The following USP3 variants were observed in gnomAD, a reference collection of about 807,000 sequenced individuals.
The protein encoded by USP3 is ubiquitin specific peptidase 3.
In USP3, 20 loss-of-function variants were observed where a neutral mutation model predicts 72.3. The observed-to-expected ratio is 0.28, with a 90% CI of 0.19 to 0.40. The LOEUF (loss-of-function observed/expected upper bound fraction) is 0.40. Among genes scored for constraint, USP3 ranks in the 10% least tolerant of loss-of-function variants. USP3 has a pLI of 1.00. For synonymous variants in USP3, 222 were observed against 225.3 expected (o/e 0.99, Z 0.13); for missense variants, 479 against 633.9 (o/e 0.76, Z 2.62).
chr15:63,578,353 C>T (rs1046420093), intron 11 of USP3, among the ~76,000 whole-genome samples: 1 of 151,874 alleles, frequency 6.6e-6, no homozygotes, highest in Non-Finnish European at 1.5e-5. Context: ...GCCTGTAATC[C>T]CAGCACTTTG....
At chr15:63,520,968 G>C (rs1238938844) in intron 1 of USP3, among the ~76,000 whole-genome samples, 1 of 152,020 alleles carries the variant, frequency 6.6e-6, no homozygotes, top group East Asian at 1.9e-4. Context: ...AAAAAGCTGT[G>C]CTAAGCAATG....
chr15:63,590,359 T>C (rs1193741049), intron 14 of USP3, among the ~76,000 whole-genome samples: 1 of 152,120 alleles, frequency 6.6e-6, no homozygotes, highest in African/African-American at 2.4e-5. Context: ...TTTCCTAAGA[T>C]TCTGATGGGA....
chr15:63,547,888 G>GAGAGAGAGAGAGAGAGAT (rs1555446525), intron 3 of USP3, among the ~76,000 whole-genome samples: 1 of 73,236 alleles, frequency 1.4e-5, no homozygotes, highest in Non-Finnish European at 2.9e-5. Flanking sequence ...GAGAGAGAGA[G>GAGAGAGAGAGAGAGAGAT]AGAGAGAGGC....
chr15:63,547,858 GAGAGGCAT>G (rs1416299385), intron 3 of USP3, among the ~76,000 whole-genome samples: 1 of 96,092 alleles, frequency 1.0e-5, no homozygotes, highest in Non-Finnish European at 2.2e-5. Context: ...GAGAGAGAGA[GAGAGGCAT>G]AGAGAGAGAG....
rs769151525 is a variant in USP3, at chr15:63,588,896, C to G, written c.1330-48C>G. 6.2e-7 allele frequency: 1 copy of G among 1,611,580 alleles called. No homozygotes were observed. Among genetic ancestry groups the G allele is most frequent in the African/African-American group, 1.3e-5 (1 of 74,966 alleles). On this transcript the variant is annotated intron_variant, in intron 13 of 14. Coordinates refer to ENST00000380324, the MANE Select transcript of USP3 (RefSeq NM_006537.4). The surrounding 1 kb of genome is among the most constrained non-coding windows in gnomAD (Gnocchi z 4.6). ...ATCACATGGAGAGGGTAGAGGTCATCGAGATACTGATGTCATTGACCACTG... is the reference window on the plus strand; with the variant it reads ...ATCACATGGAGAGGGTAGAGGTCATGGAGATACTGATGTCATTGACCACTG...
intron 3 of USP3, among the ~76,000 whole-genome samples, chr15:63,545,981 A>C (rs368636744): frequency 1.3e-4 from 19 of 141,370 alleles, no homozygotes; most frequent in African/African-American, 4.7e-4. Context: ...AAAAAAAAAA[A>C]AAAAAAAAAA....
chr15:63,532,802 C>T, intron 2 of USP3, 95 bp downstream of exon 2: 1 of 1,294,090 alleles, frequency 7.7e-7, no homozygotes, highest in Non-Finnish European at 1.1e-6. Context: ...GATTTAGTAC[C>T]ATTGTTAATC....
At chr15:63,506,855 G>A (rs2065719827) in intron 1 of USP3, among the ~76,000 whole-genome samples, 1 of 152,180 alleles carries the variant, frequency 6.6e-6, no homozygotes, top group African/African-American at 2.4e-5. Flanking sequence ...CCAATAAAGC[G>A]AGTTTCGCAA....
chr15:63,559,716 A>G, intron 6 of USP3, 141 bp from the exon 7 acceptor site: 1 of 589,696 alleles, frequency 1.7e-6, no homozygotes, highest in Non-Finnish European at 2.9e-6. Flanking sequence ...AAGAATCTGA[A>G]TGCAAGAGAT....
intron 1 of USP3, among the ~76,000 whole-genome samples, chr15:63,526,943 G>A (rs1014208716): frequency 4.6e-5 from 7 of 152,228 alleles, no homozygotes; most frequent in African/African-American, 1.7e-4. Flanking sequence ...CGCCCAGACT[G>A]GAGTGCAGTG....
intron 7 of USP3, 78 bp from the exon 8 acceptor site, chr15:63,562,817 C>A: frequency 2.4e-6 from 2 of 832,840 alleles, no homozygotes; most frequent in South Asian, 2.0e-5. Context: ...ATATATTAGG[C>A]ATTTTAGATG....
chr15:63,585,238 G>C (rs1429361831), intron 11 of USP3, among the ~76,000 whole-genome samples: 1 of 152,138 alleles, frequency 6.6e-6, no homozygotes, highest in East Asian at 1.9e-4. Flanking sequence ...GTGAGTTTCA[G>C]GATGGGTTTT....
intron 1 of USP3, among the ~76,000 whole-genome samples, chr15:63,508,355 A>G (rs1383947539): frequency 6.6e-6 from 1 of 152,210 alleles, no homozygotes; most frequent in Non-Finnish European, 1.5e-5. Context: ...GAAATGTATT[A>G]GCTGGGAAAT....
At chr15:63,564,753 A>C (rs1212394358) in intron 8 of USP3, among the ~76,000 whole-genome samples, 2 of 152,242 alleles carry the variant, frequency 1.3e-5, no homozygotes, top group African/African-American at 4.8e-5. Context: ...TGAATGGCTG[A>C]TGAGAATAGG....
rs1464874963 is a variant in USP3, at chr15:63,578,568, C to T, written c.1096+4165C>T. On this transcript the variant is annotated intron_variant, in intron 11 of 14. Coordinates refer to ENST00000380324, the MANE Select transcript of USP3 (RefSeq NM_006537.4). Reference sequence around the variant, plus strand: ...CAGAGCTTGCAGTGAGCCGAGACGGCGCCACTGCACTCTAGCCTGGGCGAC... The same window carrying T: ...CAGAGCTTGCAGTGAGCCGAGACGGTGCCACTGCACTCTAGCCTGGGCGAC... 1.2e-4 allele frequency among the ~76,000 whole-genome samples: 17 copies of T among 145,678 alleles called. No homozygotes were observed. The East Asian group carries it at 2.2e-3, about 19-fold the overall frequency.
chr15:63,519,838 C>T (rs531391769), intron 1 of USP3, among the ~76,000 whole-genome samples: 46 of 152,012 alleles, frequency 3.0e-4, no homozygotes, highest in Non-Finnish European at 6.2e-4. Flanking sequence ...TATTAATTTG[C>T]TTACTTATCT....
chr15:63,561,026 A>G (rs772257475), intron 7 of USP3, among the ~76,000 whole-genome samples: 9 of 151,992 alleles, frequency 5.9e-5, no homozygotes, highest in Non-Finnish European at 1.2e-4. Context: ...AGTGCAGGGA[A>G]ACTGGAAAGC....
intron 7 of USP3, among the ~76,000 whole-genome samples, chr15:63,561,069 A>G (rs1489424709): frequency 6.6e-6 from 1 of 151,950 alleles, no homozygotes; most frequent in Admixed American, 6.6e-5. Context: ...TGACGTCACT[A>G]CAAGTGGTGT....
chr15:63,551,625 T>C (rs1478195236), intron 3 of USP3, among the ~76,000 whole-genome samples: 2 of 152,192 alleles, frequency 1.3e-5, no homozygotes, highest in Non-Finnish European at 2.9e-5. Context: ...TTTACCCAGC[T>C]GTGCACTCCC....
Sources: gnomAD v4.1 joint callset for allele counts (sites outside exome capture counted in the v4.1 genomes callset) on GRCh38, gnomAD v4.1.1 for gene constraint, Gnocchi (gnomAD v3.1) non-coding constraint, MANE v1.5 for transcripts, NCBI Gene and HGNC (gene_info 2026-07-23, HGNC 2026-07-21) for gene names.